Variants in ABCA12 observed in about 807,000 individuals in gnomAD.
The protein encoded by ABCA12 is ATP binding cassette subfamily A member 12, also known as glucosylceramide transporter ABCA12.
Under a neutral mutation model 293.5 loss-of-function variants are expected in ABCA12, and 156 were observed. The ratio of observed to expected loss-of-function variants is 0.53; its 90% CI spans 0.47 to 0.61. The LOEUF (loss-of-function observed/expected upper bound fraction) is 0.61. Among genes scored for constraint, ABCA12 ranks in the 20% least tolerant of loss-of-function variants. The pLI is 0.00. For missense variants in ABCA12, 2,797 were observed against 3,090.2 expected (o/e 0.91, Z 2.25); for synonymous variants, 1,063 against 1,108.0 (o/e 0.96, Z 0.81).
At chr2:214,957,005 A>G (rs1423495767) in intron 41 of ABCA12, among the ~76,000 whole-genome samples, 1 of 152,206 alleles carries the variant, frequency 6.6e-6, no homozygotes, top group Non-Finnish European at 1.5e-5. Context: ...TCCATCTTTA[A>G]CAGATATACA....
At chr2:215,065,373 G>T (rs1021421304) in intron 2 of ABCA12, among the ~76,000 whole-genome samples, 6 of 135,860 alleles carry the variant, frequency 4.4e-5, no homozygotes, top group Non-Finnish European at 7.8e-5. Context: ...AAGGAGAAAA[G>T]TAAAAAAAGA....
chr2:215,070,037 T>C (rs1279235709), intron 2 of ABCA12, among the ~76,000 whole-genome samples: 3 of 152,262 alleles, frequency 2.0e-5, no homozygotes, highest in African/African-American at 7.2e-5. Flanking sequence ...TACATCGTTA[T>C]GTTTATCGTT....
intron 2 of ABCA12, among the ~76,000 whole-genome samples, chr2:215,108,789 G>T (rs1054584802): frequency 2.0e-5 from 3 of 152,158 alleles, no homozygotes; most frequent in Non-Finnish European, 4.4e-5. Flanking sequence ...GGGGGAAAAG[G>T]CCAGGTGCGG....
In ABCA12 at chr2:215,046,138, C is replaced by T. The variant is rs934648904; in HGVS notation, c.694-123G>A. ...CATAAGCAATTCTTTTAGACCTTCA[C>T]TCAGTTTGAAGCCAATCTTTTATTT... On this transcript the variant is annotated intron_variant, in intron 6 of 52. Transcript: ENST00000272895. 60 of 966,308 alleles carry T rather than the reference C, an allele frequency of 6.2e-5. No homozygotes were observed. In the Admixed American group the frequency reaches 7.2e-4, roughly 12 times the overall value. The allele number at this position is 966,308 out of a possible 1,614,324, so 59.9% of individuals were successfully genotyped here. A position where few individuals can be genotyped will look rare whatever the true frequency, so the allele number is the denominator to read the frequency against.
intron 23 of ABCA12, among the ~76,000 whole-genome samples, chr2:214,996,712 G>A (rs1005066741): frequency 4.6e-5 from 7 of 152,242 alleles, no homozygotes; most frequent in Middle Eastern, 3.4e-3. Flanking sequence ...GTTCAAATAC[G>A]GGGACAACCC....
intron 50 of ABCA12, among the ~76,000 whole-genome samples, chr2:214,940,467 T>G (rs967106135): frequency 6.6e-6 from 1 of 152,190 alleles, no homozygotes; most frequent in African/African-American, 2.4e-5. Flanking sequence ...ATCAGGATGA[T>G]GCTGGACTTG....
At chr2:214,986,103 T>C (rs561157995) in intron 28 of ABCA12, among the ~76,000 whole-genome samples, 1 of 152,314 alleles carries the variant, frequency 6.6e-6, no homozygotes, top group African/African-American at 2.4e-5. Flanking sequence ...TTCATACTTA[T>C]ATATATGCCA....
chr2:215,023,582 G>A (rs1343329910), intron 11 of ABCA12: 1 of 152,164 alleles, frequency 6.6e-6, no homozygotes, highest in Non-Finnish European at 1.5e-5. Flanking sequence ...TGTATATTAT[G>A]TGCTTCCTGG....
intron 2 of ABCA12, among the ~76,000 whole-genome samples, chr2:215,068,911 T>C (rs1267105310): frequency 6.6e-6 from 1 of 152,186 alleles, no homozygotes; most frequent in Non-Finnish European, 1.5e-5. Context: ...TCTATTTATT[T>C]TATTATTGCA....
chr2:215,040,534 C>T (rs1026680082), intron 7 of ABCA12, among the ~76,000 whole-genome samples: 3 of 152,184 alleles, frequency 2.0e-5, no homozygotes, highest in Admixed American at 6.5e-5. Flanking sequence ...GTTGGCTGGG[C>T]GCGGTGGCTC....
chr2:215,134,436 A>G (rs28429709), intron 1 of ABCA12, among the ~76,000 whole-genome samples: 9 of 145,994 alleles, frequency 6.2e-5, no homozygotes, highest in Non-Finnish European at 1.2e-4. Context: ...GTATATGTGT[A>G]TATATACGTA....
intron 14 of ABCA12, among the ~76,000 whole-genome samples, chr2:215,017,084 G>T (rs1235970080): frequency 1.3e-5 from 2 of 152,228 alleles, no homozygotes; most frequent in African/African-American, 4.8e-5. Flanking sequence ...TAAAGGCAAA[G>T]CTGTTTTAAT....
chr2:215,108,836 G>A (rs780052342), intron 2 of ABCA12, among the ~76,000 whole-genome samples: 11 of 152,120 alleles, frequency 7.2e-5, no homozygotes, highest in Admixed American at 1.3e-4. Flanking sequence ...TTGGGAGGCC[G>A]AGGCGGTGGA....
At chr2:215,128,713 T>C (rs1702983824) in intron 1 of ABCA12, among the ~76,000 whole-genome samples, 1 of 152,208 alleles carries the variant, frequency 6.6e-6, no homozygotes, top group Non-Finnish European at 1.5e-5. Context: ...CTTTCATGTT[T>C]TGGATTCCCT....
chr2:215,010,365 G>A lies in ABCA12; in HGVS notation c.2438C>T (p.Pro813Leu). 1 of 1,613,736 alleles carries A rather than the reference G, an allele frequency of 6.2e-7. No individual in the cohort carries two copies. Among genetic ancestry groups the A allele is most frequent in the Non-Finnish European group, 8.5e-7 (1 of 1,179,768 alleles). The part of the protein sequence containing the change: ...PMLLGRILYA[P>L]YNPVTKAIME... ...TATTGCCTTTGTGACTGGGTTATATGGTGCATACAAAATTCTTCCCAACAA... is the reference window on the plus strand; with the variant it reads ...TATTGCCTTTGTGACTGGGTTATATAGTGCATACAAAATTCTTCCCAACAA... Residue 813 changes from proline (P) to leucine (L), a missense_variant, in exon 18 of 53, where the codon CCA (proline) becomes CTA (leucine). Physicochemically the swap from Pro to Leu is moderately conservative, Grantham distance 98. Around this residue, in one of 3 missense-constraint regions of ABCA12, gnomAD observed 2,130 missense variants for 2,427.0 expected, o/e 0.88. Coordinates refer to ENST00000272895, the MANE Select transcript of ABCA12 (RefSeq NM_173076.3).
intron 7 of ABCA12, among the ~76,000 whole-genome samples, chr2:215,039,934 A>G (rs1023822056): frequency 6.6e-6 from 1 of 152,128 alleles, no homozygotes; most frequent in Non-Finnish European, 1.5e-5. Context: ...CTTATGGGGC[A>G]TCTCAGTGCA....
chr2:214,997,971 G>A (rs1043456105), intron 22 of ABCA12, among the ~76,000 whole-genome samples, 162 bp from the exon 23 acceptor site: 2 of 151,932 alleles, frequency 1.3e-5, no homozygotes, highest in African/African-American at 4.8e-5. Flanking sequence ...GAAGCATGAA[G>A]CTGATTTAAC....
At chr2:214,943,111 T>C (rs1698459728) in intron 49 of ABCA12, 94 bp from the exon 50 acceptor site, 1 of 905,714 alleles carries the variant, frequency 1.1e-6, no homozygotes, top group Non-Finnish European at 1.8e-6. Context: ...ATTATGGCAC[T>C]TGGAAATACT....
At chr2:215,025,566 G>A (rs1267071128) in intron 11 of ABCA12, 107 bp downstream of exon 11, 7 of 744,412 alleles carry the variant, frequency 9.4e-6, no homozygotes, top group Non-Finnish European at 1.3e-5. Context: ...AAACTTAAAA[G>A]TGTATCTTGC....
Sources: allele counts gnomAD v4.1 joint callset (sites outside exome capture counted in the v4.1 genomes callset), GRCh38; gene constraint gnomAD v4.1.1; regional missense constraint gnomAD v4.1.1; transcripts MANE v1.5; gene names NCBI Gene and HGNC (gene_info 2026-07-23, HGNC 2026-07-21).